The following FRMD4B variants were observed in gnomAD, a reference collection of about 807,000 sequenced individuals.
The protein encoded by FRMD4B is FERM domain-containing protein 4B.
A neutral mutation model predicts 141.5 loss-of-function variants in FRMD4B; 74 were observed. The ratio of observed to expected loss-of-function variants is 0.52; its 90% CI spans 0.43 to 0.63. The LOEUF (loss-of-function observed/expected upper bound fraction) is 0.63. FRMD4B is among the 30% of genes least tolerant of loss of function. The pLI is 0.00. For missense variants in FRMD4B, 1,366 were observed against 1,253.4 expected, an observed-to-expected ratio of 1.09 and a Z score of -1.36; for synonymous variants, 506 against 467.9, an observed-to-expected ratio of 1.08 and a Z score of -1.05.
intron 1 of FRMD4B, among the ~76,000 whole-genome samples, chr3:69,326,859 C>A (rs1306337565): frequency 6.6e-6 from 1 of 152,104 alleles, no homozygotes; most frequent in Non-Finnish European, 1.5e-5. Context: ...GAAAAACATG[C>A]AGGATATTTC....
At chr3:69,479,280 T>C (rs1273083262) in intron 1 of FRMD4B, among the ~76,000 whole-genome samples, 1 of 151,358 alleles carries the variant, frequency 6.6e-6, no homozygotes, top group African/African-American at 2.4e-5. Flanking sequence ...GTTCGTTAGT[T>C]GATGCAGTTT....
At chr3:69,404,625 T>C (rs11916346) in intron 2 of FRMD4B, among the ~76,000 whole-genome samples, 5,477 of 152,242 alleles carry the variant, frequency 0.036, 333 homozygotes, top group African/African-American at 0.12. Flanking sequence ...CTCTGAAGTA[T>C]CCAGAGGTCA....
intron 1 of FRMD4B, among the ~76,000 whole-genome samples, chr3:69,503,194 C>CA (rs1706530352): frequency 1.3e-5 from 2 of 152,050 alleles, no homozygotes; most frequent in African/African-American, 2.4e-5. Flanking sequence ...GGTATATACC[C>CA]AAAGGATTAT....
At position 69,402,251 on chromosome 3, in the gene FRMD4B, G is replaced by T. The variant is rs147440316; in HGVS notation, c.-1+30383C>A. Among the ~76,000 whole-genome samples, 481 of 152,326 alleles carry T rather than the reference G, an allele frequency of 3.2e-3. 1 individual carries two copies. Among genetic ancestry groups the T allele is most frequent in the Admixed American group, 7.6e-3 (117 of 15,298 alleles). On this transcript the variant is annotated intron_variant, in intron 2 of 5. Transcript: ENST00000459638. Reference sequence around the variant, plus strand: ...ACCAAAGGGGATATCTACTGAGGGGGCTTCTGGGAAACCTAGCTTAACTCT... The same window carrying T: ...ACCAAAGGGGATATCTACTGAGGGGTCTTCTGGGAAACCTAGCTTAACTCT...
chr3:69,298,945 C>T (rs1194665801), intron 4 of FRMD4B, among the ~76,000 whole-genome samples: 1 of 151,888 alleles, frequency 6.6e-6, no homozygotes, highest in African/African-American at 2.4e-5. Context: ...TTTCTTCTAC[C>T]ACTGCTATAT....
In FRMD4B at chr3:69,408,433, G is replaced by C. The variant is rs769377600; in HGVS notation, c.-1+24201C>G. ...TAGTCTGAAAGTTCCGCCAATTGAC[G>C]CTTTCTCCAGAAAGCCCTTGTTGAA... On this transcript the variant is annotated intron_variant, in intron 2 of 5. Coordinates refer to the FRMD4B transcript ENST00000459638. Among the ~76,000 whole-genome samples, 97 of 152,278 alleles carry C rather than the reference G, an allele frequency of 6.4e-4. 2 individuals carry two copies. The highest frequency in any genetic ancestry group is 2.3e-3 in the African/African-American group (94 of 41,560).
At chr3:69,481,268 C>A (rs964829088) in intron 1 of FRMD4B, among the ~76,000 whole-genome samples, 2 of 152,190 alleles carry the variant, frequency 1.3e-5, no homozygotes, top group African/African-American at 4.8e-5. Flanking sequence ...CCTGGTACCT[C>A]AGATGGAAAT....
chr3:69,294,361 T>C (rs1359227949), intron 4 of FRMD4B, among the ~76,000 whole-genome samples: 1 of 152,250 alleles, frequency 6.6e-6, no homozygotes, highest in Non-Finnish European at 1.5e-5. Context: ...TGCTGAAGGC[T>C]GAAGTGTAAT....
intron 22 of FRMD4B, among the ~76,000 whole-genome samples, chr3:69,176,002 G>C (rs906658807): frequency 2.6e-5 from 4 of 151,958 alleles, no homozygotes; most frequent in African/African-American, 9.7e-5. Context: ...GGATGGTCTC[G>C]ATCTCCTGAC....
At chr3:69,184,227 A>G (rs1466897208) in intron 19 of FRMD4B, among the ~76,000 whole-genome samples, 1 of 152,204 alleles carries the variant, frequency 6.6e-6, no homozygotes, top group African/African-American at 2.4e-5. Flanking sequence ...TACCTTTTAC[A>G]TAGTCAGGCA....
chr3:69,214,021 T>A (rs986027326), intron 11 of FRMD4B, among the ~76,000 whole-genome samples: 1 of 152,118 alleles, frequency 6.6e-6, no homozygotes, highest in Non-Finnish European at 1.5e-5. Flanking sequence ...CCTACTAGCC[T>A]GATCCAGGAA....
chr3:69,469,487 A>G (rs1413846332), intron 1 of FRMD4B, among the ~76,000 whole-genome samples: 1 of 152,224 alleles, frequency 6.6e-6, no homozygotes, highest in Non-Finnish European at 1.5e-5. Context: ...GAAGGATCTC[A>G]GCAATCAGCA....
At chr3:69,212,356 T>A (rs1395802155) in intron 11 of FRMD4B, among the ~76,000 whole-genome samples, 2 of 6,698 alleles carry the variant, frequency 3.0e-4, no homozygotes, top group Non-Finnish European at 1.1e-3. Flanking sequence ...CGAAACCCCG[T>A]CTCAAAAAAA....
intron 5 of FRMD4B, among the ~76,000 whole-genome samples, chr3:69,280,275 G>A (rs909108329): frequency 3.9e-5 from 6 of 152,156 alleles, no homozygotes; most frequent in Admixed American, 1.3e-4. Flanking sequence ...TCTCACTGAG[G>A]AAGCCAAACA....
intron 7 of FRMD4B, among the ~76,000 whole-genome samples, chr3:69,234,970 G>A (rs2093334964): frequency 6.6e-6 from 1 of 151,198 alleles, no homozygotes; most frequent in Non-Finnish European, 1.5e-5. Flanking sequence ...CCAACATGGT[G>A]GAACCCCACC....
chr3:69,365,390 CAAAT>C (rs1023208937), intron 1 of FRMD4B, among the ~76,000 whole-genome samples: 1 of 152,120 alleles, frequency 6.6e-6, no homozygotes, highest in African/African-American at 2.4e-5. Flanking sequence ...AAAATAAAAA[CAAAT>C]AAAATGTACA....
intron 1 of FRMD4B, among the ~76,000 whole-genome samples, chr3:69,454,121 G>A (rs865926741): frequency 3.3e-5 from 5 of 152,168 alleles, no homozygotes; most frequent in African/African-American, 7.2e-5. Flanking sequence ...TATCCCCAGC[G>A]ATAACAGTAA....
intron 1 of FRMD4B, among the ~76,000 whole-genome samples, chr3:69,468,417 T>G (rs1705829195): frequency 6.6e-6 from 1 of 152,220 alleles, no homozygotes; most frequent in Non-Finnish European, 1.5e-5. Context: ...GTTTATTTCT[T>G]AAGCTCTCTC....
chr3:69,356,687 C>T (rs1254659459), intron 1 of FRMD4B, among the ~76,000 whole-genome samples: 1 of 150,354 alleles, frequency 6.7e-6, no homozygotes, highest in Non-Finnish European at 1.5e-5. Flanking sequence ...TTAGAGAACC[C>T]TTACTAATAC....
Sources: allele counts gnomAD v4.1 joint callset (sites outside exome capture counted in the v4.1 genomes callset), GRCh38; gene constraint gnomAD v4.1.1; transcripts MANE v1.5; gene names NCBI Gene and HGNC (gene_info 2026-07-23, HGNC 2026-07-21).